The following MMP15 variants were observed in gnomAD, a reference collection of about 807,000 sequenced individuals.
The protein encoded by MMP15 is matrix metallopeptidase 15.
Under a neutral mutation model 65.0 loss-of-function variants are expected in MMP15, and 36 were observed. The ratio of observed to expected loss-of-function variants is 0.55; its 90% CI spans 0.42 to 0.73. The LOEUF (loss-of-function observed/expected upper bound fraction) is 0.73, where lower values mean the gene tolerates loss of function less well. Among genes scored for constraint, MMP15 ranks in the 30% least tolerant of loss-of-function variants. The probability of loss-of-function intolerance (pLI) is 0.00; values close to 1 mark genes in which losing one functional copy is unlikely to be tolerated. For missense variants in MMP15, 870 were observed against 987.8 expected (o/e 0.88, Z 1.60); for synonymous variants, 428 against 410.2 (o/e 1.04, Z -0.52).
chr16:58,026,327 C>G lies in MMP15; in HGVS notation c.-24C>G, dbSNP rs1963813452. 1 of 1,320,838 alleles carries G rather than the reference C, an allele frequency of 7.6e-7. No individual in the cohort carries two copies. The highest frequency in any genetic ancestry group is 4.2e-5 in the Admixed American group (1 of 23,972). 81.8% of individuals were successfully genotyped at this position (1,320,838 alleles called of 1,614,324 possible). ...TGCGAGGATCCGGCGTGCAGTGTTC[C>G]GAGCTGGGCTGGGCGCCGAGAGCAT... On this transcript the variant is annotated 5_prime_UTR_variant, in exon 1 of 10. Coordinates refer to ENST00000219271, the MANE Select transcript of MMP15 (RefSeq NM_002428.4).
rs1161970817 is a variant in MMP15 at position 58,045,983 on chromosome 16, C to CA, written c.*539dup. ...TCCCCATTGAGGCTTGGTTCCTTCC[C>CA]AATCCAGTGGACTTCGCAGTCCACT... On this transcript the variant is annotated 3_prime_UTR_variant, in exon 10 of 10. Coordinates refer to ENST00000219271, the MANE Select transcript of MMP15 (RefSeq NM_002428.4). 9.6e-5 allele frequency: 15 copies of CA among 156,352 alleles called. No individual in the cohort carries two copies. The highest frequency in any genetic ancestry group is 3.1e-4 in the African/African-American group (13 of 41,456). The allele number at this position is 156,352 out of a possible 1,614,324, so 9.7% of individuals were successfully genotyped here.
intron 1 of MMP15, 73 bp from the exon 2 acceptor site, chr16:58,037,399 G>A (rs890696845): frequency 1.3e-6 from 2 of 1,559,916 alleles, no homozygotes; most frequent in Non-Finnish European, 1.7e-6. Flanking sequence ...GGTGGGAAGT[G>A]GTCGGCACAG....
At position 58,042,219 on chromosome 16, in the gene MMP15, T is replaced by G. The variant is rs1441711622; in HGVS notation, c.1165-12T>G. ...TTGCCTGCGCTGCCCGCTCACACTA[T>G]GCCCTCCCCAGGGCCGCTGGTTCTG... On this transcript the variant is annotated splice_polypyrimidine_tract_variant and intron_variant, in intron 6 of 9. Transcript: ENST00000219271. 1 of 1,611,592 alleles carries G rather than the reference T, an allele frequency of 6.2e-7. No individual in the cohort carries two copies. The highest frequency in any genetic ancestry group is 1.3e-5 in the African/African-American group (1 of 74,898).
At chr16:58,040,805 T>C (rs1379828564) in intron 5 of MMP15, 107 bp downstream of exon 5, 2 of 1,488,248 alleles carry the variant, frequency 1.3e-6, no homozygotes, top group Non-Finnish European at 1.9e-6. Flanking sequence ...AACCCAAGGC[T>C]CAGTGAGGAT....
In MMP15 at chr16:58,041,819, C is replaced by A. The variant is rs780401733; in HGVS notation, c.1113C>A (p.Asp371Glu). ...RPDQYGPNIC[D>E]GDFDTVAMLR... ...ACCAGTATGGCCCCAACATCTGCGA[C>A]GGGGACTTTGACACAGTGGCCATGC... is the stretch of plus-strand genomic sequence containing the variant. The change falls in exon 6 of 10, where the codon GAC becomes GAA. Residue 371 changes from aspartate (D) to glutamate (E), a missense_variant. Transcript: ENST00000219271. 5.0e-6 allele frequency: 8 copies of A among 1,611,700 alleles called. No individual in the cohort carries two copies. In the East Asian group the frequency reaches 1.8e-4, roughly 36 times the overall value.
At chr16:58,031,679 A>G (rs1259860002) in intron 1 of MMP15, among the ~76,000 whole-genome samples, 4 of 151,768 alleles carry the variant, frequency 2.6e-5, no homozygotes, top group Non-Finnish European at 5.9e-5. Context: ...CTCCTGCTGG[A>G]CTTCCCCACC....
intron 5 of MMP15, 186 bp downstream of exon 5, chr16:58,040,884 TC>T: frequency 2.2e-6 from 2 of 890,240 alleles, no homozygotes; most frequent in Non-Finnish European, 3.5e-6. Context: ...GCAGGCTGCC[TC>T]CAGGGCCTGG....
At position 58,039,962 on chromosome 16, in the gene MMP15, C is replaced by T; in HGVS notation, c.528C>T (p.Pro176=). 1 of 1,613,898 alleles carries T rather than the reference C, an allele frequency of 6.2e-7. No homozygotes were observed. Among genetic ancestry groups the T allele is most frequent in the African/African-American group, 1.3e-5 (1 of 75,070 alleles). Reference sequence around the variant, plus strand: ...TCCGCGTGTGGGAGCAGGCCACGCCCCTGGTCTTCCAGGAGGTGCCCTATG... The same window carrying T: ...TCCGCGTGTGGGAGCAGGCCACGCCTCTGGTCTTCCAGGAGGTGCCCTATG... ...RAFRVWEQAT[P]LVFQEVPYED... is the part of the protein sequence containing the mutation. Residue 176 remains proline (P), a synonymous_variant, in exon 4 of 10, where the codon CCC becomes CCT. Coordinates refer to ENST00000219271, the MANE Select transcript of MMP15 (RefSeq NM_002428.4).
intron 2 of MMP15, 141 bp downstream of exon 2, chr16:58,037,761 C>CTGAT: frequency 2.4e-6 from 3 of 1,272,490 alleles, no homozygotes; most frequent in Non-Finnish European, 3.2e-6. Context: ...CATGTCACTT[C>CTGAT]TGATTGGTTG....
chr16:58,041,517 A>T, intron 5 of MMP15, 100 bp from the exon 6 acceptor site: 1 of 1,339,534 alleles, frequency 7.5e-7, no homozygotes, highest in South Asian at 1.3e-5. Context: ...GATGGACAGG[A>T]TTTTACTTTC....
intron 1 of MMP15, among the ~76,000 whole-genome samples, chr16:58,030,834 A>C (rs1456933004): frequency 6.6e-6 from 1 of 152,186 alleles, no homozygotes; most frequent in African/African-American, 2.4e-5. Flanking sequence ...TGGGCAAGTC[A>C]CTGAATCTGT....
intron 1 of MMP15, among the ~76,000 whole-genome samples, chr16:58,030,370 G>A (rs41352550): frequency 2.0e-5 from 3 of 152,168 alleles, no homozygotes; most frequent in Non-Finnish European, 4.4e-5. Flanking sequence ...TCAGACACAG[G>A]TTCCAGGGAT....
At position 58,045,301 on chromosome 16, in the gene MMP15, G is replaced by A. The variant is rs752825749; in HGVS notation, c.1865G>A (p.Arg622Gln). 45 of 1,610,436 alleles carry A rather than the reference G, an allele frequency of 2.8e-5. 2 individuals carry two copies. Among genetic ancestry groups the A allele is most frequent in the South Asian group, 1.9e-4 (17 of 90,282 alleles). ...RVVVQMEEVARTVNVVMVLVP... is the reference protein window; with the variant it reads ...RVVVQMEEVAQTVNVVMVLVP... ...GTGGTGCAGATGGAGGAGGTGGCAC[G>A]GACGGTGAACGTGGTGATGGTGCTG... Residue 622 changes from arginine to glutamine, a missense_variant, in exon 10 of 10, where the codon CGG (arginine) becomes CAG (glutamine). Coordinates refer to ENST00000219271, the MANE Select transcript of MMP15 (RefSeq NM_002428.4).
chr16:58,037,291 TATGTG>T (rs2142327436), intron 1 of MMP15, among the ~76,000 whole-genome samples, 176 bp from the exon 2 acceptor site: 1 of 152,276 alleles, frequency 6.6e-6, no homozygotes, highest in Non-Finnish European at 1.5e-5. Flanking sequence ...TTCTGGCTCT[TATGTG>T]AGGAGAGATG....
At chr16:58,042,696 C>G (rs551781228) in intron 7 of MMP15, among the ~76,000 whole-genome samples, 1 of 152,238 alleles carries the variant, frequency 6.6e-6, no homozygotes, top group South Asian at 2.1e-4. Flanking sequence ...ACTCCGGGGC[C>G]AGATTTCTGT....
Sources: gnomAD v4.1 joint callset for allele counts (sites outside exome capture counted in the v4.1 genomes callset) on GRCh38, gnomAD v4.1.1 for gene constraint, MANE v1.5 for transcripts, NCBI Gene and HGNC (gene_info 2026-07-23, HGNC 2026-07-21) for gene names.